The following DNAH8 variants were observed in gnomAD, a reference collection of about 807,000 sequenced individuals.
DNAH8 encodes dynein axonemal heavy chain 8, also known as axonemal beta dynein heavy chain 8.
Under a neutral mutation model 562.1 loss-of-function variants are expected in DNAH8, and 382 were observed. That is an observed-to-expected ratio of 0.68 (90% confidence interval 0.63 to 0.74). DNAH8 has a LOEUF of 0.74. Ranked by LOEUF, DNAH8 falls within the 30% of genes least tolerant of loss-of-function variation. The pLI is 0.00. For missense variants in DNAH8, 5,203 were observed against 5,620.4 expected, an observed-to-expected ratio of 0.93 and a Z score of 2.37; for synonymous variants, 1,881 against 1,919.4, an observed-to-expected ratio of 0.98 and a Z score of 0.52.
At position 38,906,258 on chromosome 6, in the gene DNAH8, T is replaced by C; in HGVS notation, c.9199T>C (p.Tyr3067His). The change falls in exon 63 of 93, where the codon TAC becomes CAC. Residue 3067 changes from tyrosine to histidine, a missense_variant. Transcript: ENST00000327475. Reference sequence around the variant, plus strand: ...TTCTATCATTTTTCTTCTTAGGTCTTACAATGTGACTAATCTAACAGATGA... The same window carrying C: ...TTCTATCATTTTTCTTCTTAGGTCTCACAATGTGACTAATCTAACAGATGA... ...QIFQITLTRS[Y>H]NVTNLTDDLK... 4 of 1,584,840 alleles carry C rather than the reference T, an allele frequency of 2.5e-6. No homozygotes were observed. The highest frequency in any genetic ancestry group is 3.4e-6 in the Non-Finnish European group (4 of 1,161,976).
Position 38,923,979 on chromosome 6 carries a change from T to C in DNAH8, c.10791-12T>C, listed in dbSNP as rs750920006. On this transcript the variant is annotated splice_polypyrimidine_tract_variant and intron_variant, in intron 72 of 92. Transcript: ENST00000327475. Reference sequence around the variant, plus strand: ...CTCACTTTGGGGAGGGGGCTGTGTGTTTTCTTCACAGACTTGTAGGTGATA... The same window carrying C: ...CTCACTTTGGGGAGGGGGCTGTGTGCTTTCTTCACAGACTTGTAGGTGATA... The C allele has an allele frequency of 6.2e-7, 1 of 1,613,516 alleles. No individual in the cohort carries two copies. The highest frequency in any genetic ancestry group is 1.1e-5 in the South Asian group (1 of 90,966).
chr6:38,874,039 TTTC>T (rs1777710427), intron 52 of DNAH8, among the ~76,000 whole-genome samples: 1 of 10,052 alleles, frequency 9.9e-5, no homozygotes, highest in Non-Finnish European at 2.1e-4. Flanking sequence ...TTTCTTTTCT[TTTC>T]TTTCTTTCTT....
At chr6:38,896,479 G>T (rs1051815389) in intron 60 of DNAH8, among the ~76,000 whole-genome samples, 6 of 152,002 alleles carry the variant, frequency 3.9e-5, no homozygotes, top group Non-Finnish European at 8.8e-5. Context: ...GCAGGTGGAG[G>T]TGGGAGGATT....
In DNAH8 at chr6:38,939,002, G is replaced by A; in HGVS notation, c.12007+14G>A. ...CTCTCATTAAAGGTAAAGTGTGTGG[G>A]ATACAGATGTGGTGTGTGGAGGATG... On this transcript the variant is annotated intron_variant, in intron 79 of 92. Transcript: ENST00000327475. The A allele has an allele frequency of 6.2e-7, 1 of 1,606,628 alleles. No homozygotes were observed. Among genetic ancestry groups the A allele is most frequent in the Non-Finnish European group, 8.5e-7 (1 of 1,175,302 alleles).
In DNAH8 at chr6:38,932,013, A is replaced by G; in HGVS notation, c.11457+20A>G. Reference sequence around the variant, plus strand: ...AAACAGGTAATCTCTCTCTCAAGGTAAAGAATTTCTGCTTATAATACATGC... The same window carrying G: ...AAACAGGTAATCTCTCTCTCAAGGTGAAGAATTTCTGCTTATAATACATGC... On this transcript the variant is annotated intron_variant, in intron 76 of 92. Transcript: ENST00000327475. 6.7e-7 allele frequency: 1 copy of G among 1,489,786 alleles called. No homozygotes were observed. The highest frequency in any genetic ancestry group is 9.0e-7 in the Non-Finnish European group (1 of 1,116,276). 92.3% of individuals were successfully genotyped at this position (1,489,786 alleles called of 1,614,324 possible).
chr6:38,798,118 A>G (rs1770453734), intron 21 of DNAH8, among the ~76,000 whole-genome samples: 1 of 152,060 alleles, frequency 6.6e-6, no homozygotes, highest in Non-Finnish European at 1.5e-5. Context: ...ACAAAAGCAC[A>G]TTAGTGGTTG....
intron 31 of DNAH8, 69 bp from the exon 32 acceptor site, chr6:38,834,510 G>A: frequency 9.2e-7 from 1 of 1,081,612 alleles, no homozygotes. Flanking sequence ...GGAAATAATA[G>A]ATAAACCCAA....
At chr6:39,001,109 G>C (rs1765452567) in intron 88 of DNAH8, among the ~76,000 whole-genome samples, 1 of 152,184 alleles carries the variant, frequency 6.6e-6, no homozygotes. Flanking sequence ...TGCTTAAAGA[G>C]CGGAGTGGCC....
Position 38,851,600 on chromosome 6 carries a change from C to T in DNAH8, c.5392C>T (p.Pro1798Ser). 1 of 1,610,832 alleles carries T rather than the reference C, an allele frequency of 6.2e-7. No individual in the cohort carries two copies. Among genetic ancestry groups the T allele is most frequent in the Non-Finnish European group, 8.5e-7 (1 of 1,178,966 alleles). Residue 1798 changes from proline (P) to serine (S), a missense_variant, in exon 39 of 93, where the codon CCA (proline) becomes TCA (serine). Pro to Ser is a moderately conservative substitution (Grantham distance 74). Around this residue, in one of 6 missense-constraint regions of DNAH8, gnomAD observed 2,176 missense variants for 2,365.1 expected, o/e 0.92. Coordinates refer to ENST00000327475, the MANE Select transcript of DNAH8 (RefSeq NM_001206927.2). Reference protein sequence around the residue: ...GYLEKKRLLFPRFFFVSDPVL... With the variant: ...GYLEKKRLLFSRFFFVSDPVL... Reference sequence around the variant, plus strand: ...TTTGGAGAAGAAACGATTACTGTTTCCAAGATTCTTCTTTGTATCTGATCC... The same window carrying T: ...TTTGGAGAAGAAACGATTACTGTTTTCAAGATTCTTCTTTGTATCTGATCC...
rs148120121 is a variant in DNAH8 at position 38,846,409 on chromosome 6, A to G, written c.5045+636A>G. Among the ~76,000 whole-genome samples the G allele has an allele frequency of 3.5e-4, 54 of 152,258 alleles. No individual in the cohort carries two copies. In the East Asian group the frequency reaches 0.01, roughly 28 times the overall value. ...CAGGTCTTTGGCACTGGCAACCTCT[A>G]TTCCTCTGGCCGACTGTGCAGTAGT... On this transcript the variant is annotated intron_variant, in intron 36 of 92. Coordinates refer to ENST00000327475, the MANE Select transcript of DNAH8 (RefSeq NM_001206927.2).
intron 82 of DNAH8, among the ~76,000 whole-genome samples, chr6:38,955,523 C>T (rs1424476800): frequency 5.9e-5 from 9 of 151,854 alleles, no homozygotes; most frequent in African/African-American, 1.2e-4. Flanking sequence ...CCCAGTTACT[C>T]GGGAGGCTGA....
At chr6:38,849,469 A>G (rs771289936) in intron 37 of DNAH8, among the ~76,000 whole-genome samples, 4 of 152,178 alleles carry the variant, frequency 2.6e-5, no homozygotes, top group Admixed American at 6.5e-5. Flanking sequence ...CGATGAAGGT[A>G]ACTTTGCTAT....
At chr6:38,729,870 G>A (rs752101662) in intron 3 of DNAH8, 32 bp from the exon 4 acceptor site, 34 of 1,179,824 alleles carry the variant, frequency 2.9e-5, no homozygotes, top group Middle Eastern at 2.0e-4. Flanking sequence ...TTCCTTAGTC[G>A]TTTGATTATC....
At chr6:39,010,665 A>G (rs1057314686) in intron 89 of DNAH8, among the ~76,000 whole-genome samples, 2 of 151,944 alleles carry the variant, frequency 1.3e-5, no homozygotes, top group Non-Finnish European at 2.9e-5. Context: ...TTTTCCACTC[A>G]TGGGGTTGCA....
intron 26 of DNAH8, among the ~76,000 whole-genome samples, chr6:38,815,973 A>G (rs1772225686): frequency 6.6e-6 from 1 of 152,168 alleles, no homozygotes. Flanking sequence ...TATGAATATG[A>G]TATGATAGTG....
intron 21 of DNAH8, 103 bp from the exon 22 acceptor site, chr6:38,803,076 A>G: frequency 1.2e-6 from 1 of 802,744 alleles, no homozygotes; most frequent in Non-Finnish European, 1.8e-6. Flanking sequence ...TTTTTTTTTC[A>G]AGTGAAGTTA....
chr6:38,957,049 TTACCTGGAA>T (rs1165471098), intron 82 of DNAH8, among the ~76,000 whole-genome samples: 1 of 152,184 alleles, frequency 6.6e-6, no homozygotes, highest in African/African-American at 2.4e-5. Flanking sequence ...GAGACTCATT[TTACCTGGAA>T]GGATACACAC....
rs762348854 is a variant in DNAH8, at chr6:39,026,640, C to G, written c.13809C>G (p.Thr4603=). 3 of 1,613,416 alleles carry G rather than the reference C, an allele frequency of 1.9e-6. No homozygotes were observed. The East Asian group carries it at 6.7e-5, about 36-fold the overall frequency. Residue 4603 remains threonine (T), a synonymous_variant, in exon 92 of 93, where the codon ACC becomes ACG. Transcript: ENST00000327475. ...TCCACAATGAAGTTCTGAGACAGAC[C>G]AAGGAGGAGATCACGTCACCCCCTG... ...VTIHNEVLRQ[T]KEEITSPPGE... is the part of the protein sequence containing the mutation.
In DNAH8 at chr6:38,968,069, G is replaced by A. The variant is rs1263692753; in HGVS notation, c.12452-3523G>A. 2.6e-5 allele frequency among the ~76,000 whole-genome samples: 4 copies of A among 152,094 alleles called. No individual in the cohort carries two copies. In the East Asian group the frequency reaches 7.7e-4, roughly 29 times the overall value. ...GAAAAGACAATCTTCTTAACAAATG[G>A]TGCTGGAAGAACTGATATGCATTTG... On this transcript the variant is annotated intron_variant, in intron 82 of 92. Coordinates refer to ENST00000327475, the MANE Select transcript of DNAH8 (RefSeq NM_001206927.2).
Sources: gnomAD v4.1 joint callset for allele counts (sites outside exome capture counted in the v4.1 genomes callset) on GRCh38, gnomAD v4.1.1 for gene constraint, gnomAD v4.1.1 regional missense constraint, MANE v1.5 for transcripts, NCBI Gene and HGNC (gene_info 2026-07-23, HGNC 2026-07-21) for gene names.